GLB1: variants seen among roughly 807,000 people sequenced by gnomAD.
The protein encoded by GLB1 is beta-galactosidase.
In GLB1, 56 loss-of-function variants were observed where a neutral mutation model predicts 74.0. The observed-to-expected ratio is 0.76, with a 90% CI of 0.61 to 0.94. GLB1 has a LOEUF of 0.94. Among genes scored for constraint, GLB1 ranks in the 40% least tolerant of loss-of-function variants. GLB1 has a pLI of 0.00. For missense variants in GLB1, 787 were observed against 845.5 expected (o/e 0.93, Z 0.86); for synonymous variants, 323 against 323.6 (o/e 1.00, Z 0.02).
the GLB1 span, among the ~76,000 whole-genome samples, chr3:32,979,636 T>A: frequency 3.3e-5 from 5 of 151,936 alleles, no homozygotes; most frequent in African/African-American, 1.2e-4. Flanking sequence ...GAGGATTTCT[T>A]GCGAATAAGA....
chr3:33,055,235 C>T (rs1435133895), intron 6 of GLB1, among the ~76,000 whole-genome samples: 1 of 152,142 alleles, frequency 6.6e-6, no homozygotes, highest in Non-Finnish European at 1.5e-5. Context: ...ATTCTCCAAC[C>T]CCTAGCAGTG....
intron 15 of GLB1, among the ~76,000 whole-genome samples, chr3:33,009,837 C>T (rs1045145465): frequency 6.6e-6 from 1 of 152,198 alleles, no homozygotes; most frequent in Non-Finnish European, 1.5e-5. Flanking sequence ...CTTTTCTGAA[C>T]ATTTCATATA....
chr3:33,020,589 T>TGA (rs1697427163), intron 12 of GLB1, among the ~76,000 whole-genome samples: 1 of 152,228 alleles, frequency 6.6e-6, no homozygotes, highest in East Asian at 1.9e-4. Flanking sequence ...GTCCATGTCA[T>TGA]GAGAGAGAGA....
downstream of GLB1, among the ~76,000 whole-genome samples, chr3:32,993,032 C>T (rs569095838): frequency 1.3e-5 from 2 of 152,330 alleles, no homozygotes; most frequent in South Asian, 4.1e-4. Context: ...GCTGTGTGTG[C>T]TACCACAGAC....
intron 4 of GLB1, 73 bp downstream of exon 4, chr3:33,068,157 G>T (rs1182237453): frequency 3.7e-6 from 6 of 1,605,530 alleles, no homozygotes; most frequent in Non-Finnish European, 5.1e-6. Flanking sequence ...AAAGTGTCAG[G>T]ATTACAGGCG....
At chr3:33,088,750 T>G (rs1700632835) in intron 1 of GLB1, among the ~76,000 whole-genome samples, 1 of 152,074 alleles carries the variant, frequency 6.6e-6, no homozygotes, top group Admixed American at 6.6e-5. Context: ...CCTATAAAAA[T>G]CCCAATAGCA....
downstream of GLB1, among the ~76,000 whole-genome samples, chr3:32,995,352 A>G (rs1696289981): frequency 6.6e-6 from 1 of 152,186 alleles, no homozygotes; most frequent in Admixed American, 6.5e-5. Context: ...GTTCTTGAGT[A>G]TCATTTTATG....
chr3:33,092,745 G>A, intron 1 of GLB1: 1 of 1,512,506 alleles, frequency 6.6e-7, no homozygotes, highest in Non-Finnish European at 8.8e-7. Context: ...AGTGGGCAAG[G>A]CTGGAGGGGA....
At chr3:33,035,802 C>T (rs1234564003) in intron 10 of GLB1, among the ~76,000 whole-genome samples, 1 of 152,200 alleles carries the variant, frequency 6.6e-6, no homozygotes, top group African/African-American at 2.4e-5. Flanking sequence ...TTCATTCTAA[C>T]TACACATTCC....
At chr3:32,981,495 C>T in the GLB1 span, among the ~76,000 whole-genome samples, 22 of 151,678 alleles carry the variant, frequency 1.5e-4, no homozygotes, top group African/African-American at 1.5e-4. Context: ...CGATACTGAC[C>T]GGGCACGGTG....
chr3:33,039,985 T>C (rs953340179), intron 10 of GLB1, among the ~76,000 whole-genome samples: 1 of 152,208 alleles, frequency 6.6e-6, no homozygotes, highest in Non-Finnish European at 1.5e-5. Flanking sequence ...AAATGCTGAT[T>C]TTTAAGACTG....
intron 10 of GLB1, among the ~76,000 whole-genome samples, chr3:33,043,771 G>T (rs200090443): frequency 1.2e-5 from 1 of 82,300 alleles, no homozygotes; most frequent in African/African-American, 3.9e-5. Flanking sequence ...ACAGCATTGG[G>T]AAAGATACCT....
In GLB1 at chr3:33,024,266, C is replaced by A; in HGVS notation, c.1128G>T (p.Lys376Asn). 6.2e-7 allele frequency: 1 copy of A among 1,612,934 alleles called. No homozygotes were observed. The highest frequency in any genetic ancestry group is 8.5e-7 in the Non-Finnish European group (1 of 1,179,886). The change falls in exon 11 of 16, where the codon AAG becomes AAT. Residue 376 changes from lysine to asparagine, a missense_variant. Physicochemically the swap from Lys to Asn is moderately conservative, Grantham distance 94. Transcript: ENST00000307363. Reference protein sequence around the residue: ...PPSTPKFAYGKVTLEKLKTVG... With the variant: ...PPSTPKFAYGNVTLEKLKTVG... ...TTTTTCTTACCTTTTCCAAAGTGACCTTTCCATATGCAAACTTTGGTGTAG... is the reference window on the plus strand; with the variant it reads ...TTTTTCTTACCTTTTCCAAAGTGACATTTCCATATGCAAACTTTGGTGTAG...
At chr3:33,021,337 A>G in intron 12 of GLB1, 1 of 580,922 alleles carries the variant, frequency 1.7e-6, no homozygotes. Context: ...AGGTTGGGCT[A>G]CCTCCTGTAT....
chr3:33,041,184 C>T (rs895807641), intron 10 of GLB1, among the ~76,000 whole-genome samples: 7 of 152,234 alleles, frequency 4.6e-5, no homozygotes, highest in Middle Eastern at 3.4e-3. Context: ...AAAAGAAAGT[C>T]ACACTTAGAT....
chr3:33,065,341 T>C, intron 5 of GLB1, 122 bp downstream of exon 5: 1 of 1,300,752 alleles, frequency 7.7e-7, no homozygotes. Context: ...GCACTATCTG[T>C]GGCATTACCT....
rs372928139 is a variant in GLB1 at position 33,064,776 on chromosome 3, C to A, written c.552+687G>T. Reference sequence around the variant, plus strand: ...TGGGCAACGGAATGAGACTCTCTCTCAAAAAAAAAAAAAAAAAAAAAAGAG... The same window carrying A: ...TGGGCAACGGAATGAGACTCTCTCTAAAAAAAAAAAAAAAAAAAAAAAGAG... On this transcript the variant is annotated intron_variant, in intron 5 of 15. Transcript: ENST00000307363. 2.3e-3 allele frequency among the ~76,000 whole-genome samples: 150 copies of A among 64,540 alleles called. 1 individual carries two copies. The South Asian group carries it at 0.029, about 12-fold the overall frequency. 42.3% of individuals were successfully genotyped at this position (64,540 alleles called of 152,430 possible). A position where few individuals can be genotyped will look rare whatever the true frequency, so the allele number is the denominator to read the frequency against.
chr3:33,089,999 A>G (rs1333416108), intron 1 of GLB1, among the ~76,000 whole-genome samples: 2 of 152,248 alleles, frequency 1.3e-5, no homozygotes, highest in East Asian at 3.8e-4. Flanking sequence ...CTCTTCACAC[A>G]GTTAACTGCA....
intron 10 of GLB1, chr3:33,045,243 CTCTTTT>C (rs1698691912): frequency 1.6e-6 from 1 of 618,956 alleles, no homozygotes; most frequent in Admixed American, 6.5e-5. Context: ...CATAGACTCA[CTCTTTT>C]TTTTTTTTAG....
Sources: gnomAD v4.1 joint callset for allele counts (sites outside exome capture counted in the v4.1 genomes callset) on GRCh38, gnomAD v4.1.1 for gene constraint, MANE v1.5 for transcripts, NCBI Gene and HGNC (gene_info 2026-07-23, HGNC 2026-07-21) for gene names.